SHTN1: variants seen among roughly 807,000 people sequenced by gnomAD.
SHTN1 encodes shootin 1, also known as shootin-1.
In SHTN1, 42 loss-of-function variants were observed where a neutral mutation model predicts 83.1. That is an observed-to-expected ratio of 0.51 (90% CI 0.39 to 0.65). The LOEUF is 0.65. Ranked by LOEUF, SHTN1 falls within the 30% of genes least tolerant of loss-of-function variation. SHTN1 has a pLI of 0.00. For synonymous variants in SHTN1, 224 were observed against 247.7 expected (o/e 0.90, Z 0.90); for missense variants, 622 against 737.8 (o/e 0.84, Z 1.82).
chr10:117,047,560 T>C (rs1852683298), intron 2 of SHTN1, among the ~76,000 whole-genome samples: 1 of 152,272 alleles, frequency 6.6e-6, no homozygotes, highest in East Asian at 1.9e-4. Flanking sequence ...TTGACGGGGC[T>C]GTGATGGTGT....
At chr10:116,905,172 G>A (rs968309190) in intron 15 of SHTN1, among the ~76,000 whole-genome samples, 4 of 143,394 alleles carry the variant, frequency 2.8e-5, no homozygotes, top group East Asian at 2.1e-4. Context: ...ACTGCAGTCC[G>A]CAGTCCAGCC....
intron 1 of SHTN1, among the ~76,000 whole-genome samples, chr10:117,120,387 A>T (rs1276832983): frequency 6.6e-6 from 1 of 151,820 alleles, no homozygotes; most frequent in African/African-American, 2.4e-5. Context: ...AGCTGGGACT[A>T]CAGGCACCCG....
chr10:116,925,700 T>C (rs888684939), intron 11 of SHTN1, among the ~76,000 whole-genome samples: 25 of 152,244 alleles, frequency 1.6e-4, no homozygotes, highest in Admixed American at 1.1e-3. Flanking sequence ...TATATCTGCA[T>C]AGAACCTGTC....
In SHTN1 at chr10:117,076,597, T is replaced by C. The variant is rs887507879; in HGVS notation, c.-188-28087A>G. On this transcript the variant is annotated intron_variant, in intron 1 of 17. Transcript: ENST00000392901. ...TTCCATATAAAGTCACAAATTACAA[T>C]GCATATTTAGCTGCACTGGATAGGA... Among the ~76,000 whole-genome samples the C allele has an allele frequency of 3.3e-5, 5 of 152,214 alleles. No homozygotes were observed. The East Asian group carries it at 7.7e-4, about 23-fold the overall frequency.
At chr10:117,071,332 ACT>A (rs3032990) in intron 1 of SHTN1, among the ~76,000 whole-genome samples, 1 of 151,430 alleles carries the variant, frequency 6.6e-6, no homozygotes, top group African/African-American at 2.4e-5. Context: ...AGCAGGAAAT[ACT>A]CTCTGTTTTC....
chr10:117,004,195 C>T (rs998983972), intron 1 of SHTN1, among the ~76,000 whole-genome samples: 1 of 152,144 alleles, frequency 6.6e-6, no homozygotes, highest in African/African-American at 2.4e-5. Context: ...CTGGTTCCTC[C>T]CTGTCTTGAC....
chr10:116,983,633 CAGATAGATAGATAGATAGATAGAT>C (rs145452456), intron 1 of SHTN1, among the ~76,000 whole-genome samples: 2 of 142,522 alleles, frequency 1.4e-5, no homozygotes, highest in African/African-American at 5.4e-5. Context: ...CCTGGGCATC[CAGATAGATAGATAGATAGATAGAT>C]AGATAGATAG....
Position 117,046,174 on chromosome 10 carries a change from A to G in SHTN1, c.-123+2271T>C, listed in dbSNP as rs185828393. 3.7e-3 allele frequency among the ~76,000 whole-genome samples: 564 copies of G among 152,188 alleles called. 4 individuals carry two copies. The highest frequency in any genetic ancestry group is 0.013 in the African/African-American group (534 of 41,522). On this transcript the variant is annotated intron_variant, in intron 2 of 17. Transcript: ENST00000392901. ...GATCCAGGAAGCTCAGAGAACACCA[A>G]CCCAGATAAACACACACACACAAAA...
chr10:116,884,701 T>TA lies in SHTN1; in HGVS notation c.*1642dup, dbSNP rs1438107796. The TA allele has an allele frequency of 6.4e-6, 1 of 155,902 alleles. No homozygotes were observed. The highest frequency in any genetic ancestry group is 1.4e-5 in the Non-Finnish European group (1 of 70,008). 9.7% of individuals were successfully genotyped at this position (155,902 alleles called of 1,614,324 possible). On this transcript the variant is annotated 3_prime_UTR_variant, in exon 17 of 17. Transcript: ENST00000355371. ...AACCATCTTAGGGACTATTAAAAATTACTAAAGTTGTCAAATCATATACAA... is the reference window on the plus strand; with the variant it reads ...AACCATCTTAGGGACTATTAAAAATTAACTAAAGTTGTCAAATCATATACAA...
chr10:116,897,053 T>C (rs975490905), intron 16 of SHTN1, among the ~76,000 whole-genome samples: 6 of 152,152 alleles, frequency 3.9e-5, no homozygotes, highest in Non-Finnish European at 4.4e-5. Context: ...GTGATCTGCC[T>C]GCCTCAGCCT....
intron 5 of SHTN1, among the ~76,000 whole-genome samples, 198 bp from the exon 6 acceptor site, chr10:116,952,204 C>A (rs1207478977): frequency 6.6e-6 from 1 of 152,130 alleles, no homozygotes; most frequent in East Asian, 1.9e-4. Flanking sequence ...TGGATATTAA[C>A]AATTTTATAT....
chr10:116,998,619 A>C (rs1187323420), intron 1 of SHTN1, among the ~76,000 whole-genome samples: 4 of 152,210 alleles, frequency 2.6e-5, no homozygotes, highest in Admixed American at 1.3e-4. Context: ...CACCTACTGC[A>C]GGTGTTGAAA....
At chr10:116,957,902 A>C (rs1850040411) in intron 4 of SHTN1, among the ~76,000 whole-genome samples, 1 of 152,082 alleles carries the variant, frequency 6.6e-6, no homozygotes, top group Admixed American at 6.5e-5. Context: ...TCTACTAAAA[A>C]CACAGAAATT....
intron 11 of SHTN1, among the ~76,000 whole-genome samples, chr10:116,925,623 TAC>T (rs1472741348): frequency 6.6e-6 from 1 of 152,220 alleles, no homozygotes; most frequent in Non-Finnish European, 1.5e-5. Flanking sequence ...TCTATAGATA[TAC>T]ACATTCTATT....
chr10:117,015,139 C>A (rs1852164075), intron 2 of SHTN1, among the ~76,000 whole-genome samples: 1 of 152,042 alleles, frequency 6.6e-6, no homozygotes, highest in African/African-American at 2.4e-5. Context: ...TAACAGATAT[C>A]TGTTTCATCT....
intron 1 of SHTN1, among the ~76,000 whole-genome samples, chr10:117,062,405 A>C (rs1852916385): frequency 6.6e-6 from 1 of 152,192 alleles, no homozygotes; most frequent in Admixed American, 6.5e-5. Flanking sequence ...CTCACAAGTA[A>C]GAAATTGGAC....
chr10:117,005,291 G>A, upstream of SHTN1: 3 of 1,421,324 alleles, frequency 2.1e-6, no homozygotes, highest in Non-Finnish European at 2.8e-6. Flanking sequence ...ACCTGCAGGC[G>A]GGGCGGGGCG....
At chr10:116,904,502 T>C (rs1230477604) in intron 15 of SHTN1, among the ~76,000 whole-genome samples, 1 of 152,220 alleles carries the variant, frequency 6.6e-6, no homozygotes, top group East Asian at 1.9e-4. Context: ...CAATTACAAG[T>C]CACTCCCTTA....
intron 2 of SHTN1, among the ~76,000 whole-genome samples, chr10:116,977,998 T>G (rs1231158428): frequency 6.6e-6 from 1 of 152,076 alleles, no homozygotes; most frequent in Non-Finnish European, 1.5e-5. Context: ...GATGTTTTTA[T>G]CACCTCCACC....
Sources: allele counts gnomAD v4.1 joint callset (sites outside exome capture counted in the v4.1 genomes callset), GRCh38; gene constraint gnomAD v4.1.1; transcripts MANE v1.5; gene names NCBI Gene and HGNC (gene_info 2026-07-23, HGNC 2026-07-21).